RPH3A: variants seen among roughly 807,000 people sequenced by gnomAD.
The protein encoded by RPH3A is rabphilin 3A.
In RPH3A, 48 loss-of-function variants were observed where a neutral mutation model predicts 102.2. That is an observed-to-expected ratio of 0.47 (90% confidence interval 0.37 to 0.60). RPH3A has a LOEUF of 0.60. Among genes scored for constraint, RPH3A ranks in the 20% least tolerant of loss-of-function variants. The pLI is 0.00. For synonymous variants in RPH3A, 310 were observed against 324.3 expected (o/e 0.96, Z 0.47); for missense variants, 781 against 910.1 (o/e 0.86, Z 1.83).
rs572420404 is a variant in RPH3A at position 112,750,649 on chromosome 12, A to G, written c.-139-41494A>G. ...GTGGTATGTAAGAGAGGATGCTGCT[A>G]TGTCCAATATCCAACTCCCCTCTTG... On this transcript the variant is annotated intron_variant, in intron 1 of 21. Transcript: ENST00000543106. 1.8e-4 allele frequency among the ~76,000 whole-genome samples: 28 copies of G among 152,282 alleles called. No homozygotes were observed. The East Asian group carries it at 3.5e-3, about 19-fold the overall frequency.
At chr12:112,816,173 T>C (rs2041667969) in intron 2 of RPH3A, among the ~76,000 whole-genome samples, 1 of 152,224 alleles carries the variant, frequency 6.6e-6, no homozygotes, top group South Asian at 2.1e-4. Context: ...GCACGCTCTG[T>C]TGTGACCTCC....
intron 1 of RPH3A, among the ~76,000 whole-genome samples, chr12:112,765,535 A>G (rs73198760): frequency 0.11 from 16,129 of 152,166 alleles, 853 homozygotes; most frequent in South Asian, 0.13. Flanking sequence ...GATTTGTTCC[A>G]TATTACATTG....
At chr12:112,643,332 A>C (rs1269630174) in intron 1 of RPH3A, among the ~76,000 whole-genome samples, 1 of 152,240 alleles carries the variant, frequency 6.6e-6, no homozygotes, top group Admixed American at 6.5e-5. Flanking sequence ...CCCTCCCTGC[A>C]TCCTATTATC....
intron 1 of RPH3A, among the ~76,000 whole-genome samples, chr12:112,765,246 T>TTGTGTGTGTGTGTGTG (rs34294777): frequency 1.4e-5 from 2 of 141,760 alleles, no homozygotes; most frequent in Admixed American, 7.1e-5. Context: ...GTCATGGTGA[T>TTGTGTGTGTGTGTGTG]TGTGTGTGTG....
At chr12:112,727,974 A>C (rs2136046797) in intron 1 of RPH3A, among the ~76,000 whole-genome samples, 1 of 152,208 alleles carries the variant, frequency 6.6e-6, no homozygotes, top group Non-Finnish European at 1.5e-5. Flanking sequence ...GTATATAAAA[A>C]CCCATGAATA....
chr12:112,615,763 T>C (rs886936589), intron 1 of RPH3A, among the ~76,000 whole-genome samples: 1 of 152,176 alleles, frequency 6.6e-6, no homozygotes, highest in Non-Finnish European at 1.5e-5. Flanking sequence ...GAAATTCAAG[T>C]TGGCTGTCCC....
intron 2 of RPH3A, among the ~76,000 whole-genome samples, chr12:112,820,218 A>G (rs1337267419): frequency 3.3e-5 from 5 of 152,352 alleles, no homozygotes; most frequent in Admixed American, 2.0e-4. Flanking sequence ...ATCACATCAT[A>G]TAAGTTATGC....
intron 1 of RPH3A, among the ~76,000 whole-genome samples, chr12:112,653,525 G>A (rs1283641188): frequency 6.6e-6 from 1 of 152,102 alleles, no homozygotes; most frequent in Non-Finnish European, 1.5e-5. Context: ...ACTGTGCACT[G>A]CTGTGGACTT....
chr12:112,680,494 G>A lies in RPH3A; in HGVS notation c.-140+105175G>A, dbSNP rs573241501. ...CCCATTTAATAGATGAGGAAACTGA[G>A]GCCCGGAGAAGTCAAGTTACCTGCC... On this transcript the variant is annotated intron_variant, in intron 1 of 21. Coordinates refer to the RPH3A transcript ENST00000543106. 2.0e-5 allele frequency among the ~76,000 whole-genome samples: 3 copies of A among 152,268 alleles called. No individual in the cohort carries two copies. In the East Asian group the frequency reaches 5.8e-4, roughly 29 times the overall value.
chr12:112,688,362 C>A (rs567781885), intron 1 of RPH3A, among the ~76,000 whole-genome samples: 1 of 152,180 alleles, frequency 6.6e-6, no homozygotes, highest in Non-Finnish European at 1.5e-5. Flanking sequence ...GGAGAGAGAC[C>A]TAGCAATCAC....
chr12:112,697,575 T>C (rs1026909265), intron 1 of RPH3A, among the ~76,000 whole-genome samples: 1 of 152,098 alleles, frequency 6.6e-6, no homozygotes, highest in Non-Finnish European at 1.5e-5. Flanking sequence ...TCACTCAAAA[T>C]CCAAACAGGG....
intron 21 of RPH3A, among the ~76,000 whole-genome samples, chr12:112,896,417 G>A (rs1214203243): frequency 6.6e-6 from 1 of 152,178 alleles, no homozygotes; most frequent in Non-Finnish European, 1.5e-5. Context: ...AAAATAGACA[G>A]TGAAATTATG....
intron 3 of RPH3A, chr12:112,831,824 C>G: frequency 2.2e-6 from 1 of 455,802 alleles, no homozygotes; most frequent in Middle Eastern, 3.3e-4. Context: ...AACAAATTGC[C>G]CTTCCTCTGT....
In RPH3A at chr12:112,896,814, G is replaced by T. The variant is rs761471927; in HGVS notation, c.*34G>T. On this transcript the variant is annotated 3_prime_UTR_variant, in exon 22 of 22. Coordinates refer to ENST00000389385, the MANE Select transcript of RPH3A (RefSeq NM_001143854.2). ...CCAGGTCCCCATCTCCATGTCCCGGGTCCCCCCCAGCCTGCTCTAGCTGCC... is the reference window on the plus strand; with the variant it reads ...CCAGGTCCCCATCTCCATGTCCCGGTTCCCCCCCAGCCTGCTCTAGCTGCC... 6.2e-7 allele frequency: 1 copy of T among 1,612,050 alleles called. No individual in the cohort carries two copies. Among genetic ancestry groups the T allele is most frequent in the Non-Finnish European group, 8.5e-7 (1 of 1,179,182 alleles).
rs147057441 is a variant in RPH3A, at chr12:112,682,228, C to T, written c.-140+106909C>T. 3.7e-4 allele frequency among the ~76,000 whole-genome samples: 56 copies of T among 152,158 alleles called. 1 individual carries two copies. Among genetic ancestry groups the T allele is most frequent in the Admixed American group, 3.5e-3 (54 of 15,288 alleles). On this transcript the variant is annotated intron_variant, in intron 1 of 21. Coordinates refer to the RPH3A transcript ENST00000543106. ...AAGTTCCATGATATGCTGTCTGTGA[C>T]ATGGAGAACCAGGGAAGCCGGGTTG...
chr12:112,787,003 A>T (rs576175539), upstream of RPH3A, among the ~76,000 whole-genome samples: 1 of 152,096 alleles, frequency 6.6e-6, no homozygotes, highest in African/African-American at 2.4e-5. Context: ...AGCTTCTTCC[A>T]CCATCTTCAA....
rs150481566 is a variant in RPH3A, at chr12:112,590,906, T to A, written c.-140+15587T>A. ...AAACCTTAGGTTCAAGTGATCTTCC[T>A]GCCTCAGCCTCCCGAGTAGTTGGAA... On this transcript the variant is annotated intron_variant, in intron 1 of 21. Transcript: ENST00000543106. 3.9e-3 allele frequency among the ~76,000 whole-genome samples: 598 copies of A among 152,252 alleles called. 7 individuals carry two copies. The highest frequency in any genetic ancestry group is 0.013 in the African/African-American group (560 of 41,558).
intron 2 of RPH3A, among the ~76,000 whole-genome samples, chr12:112,794,097 C>T (rs1343455788): frequency 6.6e-6 from 1 of 152,210 alleles, no homozygotes; most frequent in Non-Finnish European, 1.5e-5. Context: ...GCCGCCCTCC[C>T]TCCTCCCCCA....
chr12:112,856,706 C>A (rs2042417417), intron 5 of RPH3A, among the ~76,000 whole-genome samples: 1 of 152,128 alleles, frequency 6.6e-6, no homozygotes, highest in African/African-American at 2.4e-5. Context: ...ATCCTGGTTA[C>A]CCAGAAAAAA....
Sources: allele counts gnomAD v4.1 joint callset (sites outside exome capture counted in the v4.1 genomes callset), GRCh38; gene constraint gnomAD v4.1.1; transcripts MANE v1.5; gene names NCBI Gene and HGNC (gene_info 2026-07-23, HGNC 2026-07-21).